Variants in RIC3 observed in about 807,000 individuals in gnomAD.
The protein encoded by RIC3 is RIC3 acetylcholine receptor chaperone, also known as protein RIC-3.
Under a neutral mutation model 27.3 loss-of-function variants are expected in RIC3, and 28 were observed. That is an observed-to-expected ratio of 1.02 (90% CI 0.76 to 1.41). The LOEUF is 1.41. RIC3 is among the 40% of genes most tolerant of loss of function. The pLI, the probability that RIC3 is intolerant of heterozygous loss-of-function variation, is 0.00. For missense variants in RIC3, 501 were observed against 444.7 expected (o/e 1.13, Z -1.14); for synonymous variants, 184 against 160.4 (o/e 1.15, Z -1.11).
At chr11:8,128,170 A>T (rs1417559909) in intron 4 of RIC3, 4 of 457,162 alleles carry the variant, frequency 8.7e-6, no homozygotes, top group East Asian at 1.4e-4. Flanking sequence ...CTTACTGTTA[A>T]AACAACCCAC....
At chr11:8,114,106 A>G (rs1945578234) in intron 5 of RIC3, among the ~76,000 whole-genome samples, 1 of 152,092 alleles carries the variant, frequency 6.6e-6, no homozygotes, top group South Asian at 2.1e-4. Flanking sequence ...AGATCACACC[A>G]AATGGCCTAC....
At chr11:8,153,460 T>C (rs1357771200) in intron 1 of RIC3, 1 of 450,158 alleles carries the variant, frequency 2.2e-6, no homozygotes, top group Non-Finnish European at 4.4e-6. Flanking sequence ...ATAGTGGTCA[T>C]TCAATAAATA....
At chr11:8,100,990 C>T in the RIC3 span, 1 of 1,614,122 alleles carries the variant, frequency 6.2e-7, no homozygotes, top group Non-Finnish European at 8.5e-7. Flanking sequence ...TCATCCATGG[C>T]AATGACCGTG....
chr11:8,110,444 G>C lies in RIC3; in HGVS notation c.*254C>G. 1 of 570,886 alleles carries C rather than the reference G, an allele frequency of 1.8e-6. No individual in the cohort carries two copies. Among genetic ancestry groups the C allele is most frequent in the South Asian group, 2.0e-5 (1 of 51,016 alleles). The allele number at this position is 570,886 out of a possible 1,614,324, so 35.4% of individuals were successfully genotyped here. The stretch of plus-strand genomic sequence containing the variant: ...ATAGACCAAACATAATTACTTAATG[G>C]ATCAACTTCTCTGATAGAGGAAAGG... On this transcript the variant is annotated 3_prime_UTR_variant, in exon 6 of 6. Transcript: ENST00000309737.
chr11:8,098,734 A>G, the RIC3 span: 5 of 1,560,912 alleles, frequency 3.2e-6, no homozygotes, highest in African/African-American at 4.1e-5. Context: ...GCATGACTCT[A>G]TACTGATTGT....
At chr11:8,145,232 G>A in intron 1 of RIC3, among the ~76,000 whole-genome samples, 1 of 151,018 alleles carries the variant, frequency 6.6e-6, no homozygotes, top group Admixed American at 6.6e-5. Context: ...AATACAATGT[G>A]GTCTCAGGAG....
chr11:8,124,692 G>C (rs558488724), intron 5 of RIC3, among the ~76,000 whole-genome samples: 14 of 152,164 alleles, frequency 9.2e-5, no homozygotes, highest in African/African-American at 3.4e-4. Context: ...CAGATCAATG[G>C]AACAGAATAG....
chr11:8,093,973 G>C, the RIC3 span: 4 of 1,586,896 alleles, frequency 2.5e-6, no homozygotes, highest in Non-Finnish European at 3.5e-6. Context: ...GCTGGGGACT[G>C]TGTTCAGGTG....
chr11:8,135,593 T>C (rs1418293913), intron 4 of RIC3: 1 of 152,054 alleles, frequency 6.6e-6, no homozygotes, highest in Non-Finnish European at 1.5e-5. Context: ...ATTTTCACGA[T>C]ATTGATTCTT....
chr11:8,112,126 T>C (rs1372623780), intron 5 of RIC3, among the ~76,000 whole-genome samples: 3 of 152,218 alleles, frequency 2.0e-5, no homozygotes, highest in Non-Finnish European at 2.9e-5. Flanking sequence ...TTTTTCTGAC[T>C]ATAAAAATCA....
intron 1 of RIC3, among the ~76,000 whole-genome samples, chr11:8,163,048 C>CACACACACACACACACACAT (rs1554979165): frequency 7.7e-6 from 1 of 129,490 alleles, no homozygotes; most frequent in Non-Finnish European, 1.7e-5. Context: ...CACACACACA[C>CACACACACACACACACACAT]ACATACACAC....
At chr11:8,168,585 A>T (rs1418725450) in intron 1 of RIC3, among the ~76,000 whole-genome samples, 1 of 152,186 alleles carries the variant, frequency 6.6e-6, no homozygotes, top group Non-Finnish European at 1.5e-5. Context: ...GAGAGAAGGG[A>T]CTGCGCCTAA....
chr11:8,137,462 T>C lies in RIC3; in HGVS notation c.437A>G (p.Glu146Gly). 1 of 1,613,828 alleles carries C rather than the reference T, an allele frequency of 6.2e-7. No individual in the cohort carries two copies. Among genetic ancestry groups the C allele is most frequent in the Non-Finnish European group, 8.5e-7 (1 of 1,179,958 alleles). Residue 146 changes from glutamate (E) to glycine (G), a missense_variant, in exon 4 of 6, where the codon GAG becomes GGG. Coordinates refer to ENST00000309737, the MANE Select transcript of RIC3 (RefSeq NM_001206671.4). ...CAGTTTTTCTTGCAGTTGAGCAAGC[T>C]CAAAACTGGCTAAAAAATAAGCAAC... ...GNTHRKITSFELAQLQEKLKE... is the reference protein window; with the variant it reads ...GNTHRKITSFGLAQLQEKLKE...
At chr11:8,131,811 G>C (rs376086808) in intron 4 of RIC3, among the ~76,000 whole-genome samples, 5 of 136,864 alleles carry the variant, frequency 3.7e-5, no homozygotes, top group African/African-American at 1.4e-4. Flanking sequence ...TGAGGCAGGA[G>C]AATCACTTGA....
intron 5 of RIC3, 74 bp from the exon 6 acceptor site, chr11:8,111,211 A>G: frequency 8.9e-7 from 1 of 1,118,990 alleles, no homozygotes; most frequent in South Asian, 1.6e-5. Context: ...TCAGGTTCAA[A>G]GAGGATTCTC....
At chr11:8,135,149 T>A (rs1948236592) in intron 4 of RIC3, among the ~76,000 whole-genome samples, 1 of 152,214 alleles carries the variant, frequency 6.6e-6, no homozygotes, top group Non-Finnish European at 1.5e-5. Flanking sequence ...CATCTTGAAT[T>A]AATTTTTGTA....
rs1224012276 is a variant in RIC3, at chr11:8,110,792, GACC to G, written c.1013_1015del (p.Trp338del). ...CAACCCTTCATCTTTAAAGTCTTGG[GACC>G]ACTCTTCTTTGGTGGTTTCCTCTTG... On this transcript the variant is annotated inframe_deletion, in exon 6 of 6. Transcript: ENST00000309737. 2 of 1,614,164 alleles carry G rather than the reference GACC, an allele frequency of 1.2e-6. No homozygotes were observed. Among genetic ancestry groups the G allele is most frequent in the East Asian group, 4.5e-5 (2 of 44,884 alleles).
chr11:8,110,440 A>C lies in RIC3; in HGVS notation c.*258T>G, dbSNP rs1945110446. ...TACAATAGACCAAACATAATTACTT[A>C]ATGGATCAACTTCTCTGATAGAGGA... On this transcript the variant is annotated 3_prime_UTR_variant, in exon 6 of 6. Transcript: ENST00000309737. 4 of 562,128 alleles carry C rather than the reference A, an allele frequency of 7.1e-6. No homozygotes were observed. The East Asian group carries it at 1.3e-4, about 18-fold the overall frequency. 34.8% of individuals were successfully genotyped at this position (562,128 alleles called of 1,614,324 possible).
chr11:8,129,962 T>C (rs1232482345), intron 4 of RIC3, among the ~76,000 whole-genome samples: 1 of 152,250 alleles, frequency 6.6e-6, no homozygotes, highest in East Asian at 1.9e-4. Context: ...GCTGAACTTA[T>C]GATCCCAACT....
Sources: allele counts gnomAD v4.1 joint callset (sites outside exome capture counted in the v4.1 genomes callset), GRCh38; gene constraint gnomAD v4.1.1; transcripts MANE v1.5; gene names NCBI Gene and HGNC (gene_info 2026-07-23, HGNC 2026-07-21).